CNTN5: variants seen among roughly 807,000 people sequenced by gnomAD.
CNTN5 encodes contactin-5.
CNTN5 carries 77 observed loss-of-function variants against 129.1 expected under a neutral mutation model. That is an observed-to-expected ratio of 0.60 (90% confidence interval 0.50 to 0.72). CNTN5 has a LOEUF of 0.72. CNTN5 is among the 30% of genes least tolerant of loss of function. The pLI is 0.00. For synonymous variants in CNTN5, 509 were observed against 465.6 expected, an observed-to-expected ratio of 1.09 and a Z score of -1.20; for missense variants, 1,478 against 1,328.8, an observed-to-expected ratio of 1.11 and a Z score of -1.75.
At chr11:99,502,501 C>T (rs1946464137) in intron 2 of CNTN5, among the ~76,000 whole-genome samples, 1 of 152,012 alleles carries the variant, frequency 6.6e-6, no homozygotes, top group Non-Finnish European at 1.5e-5. Flanking sequence ...GAGCTCTTCC[C>T]CACAACTTTG....
chr11:99,960,546 A>G (rs1218642886), intron 8 of CNTN5, among the ~76,000 whole-genome samples: 1 of 152,138 alleles, frequency 6.6e-6, no homozygotes, highest in Admixed American at 6.6e-5. Context: ...TGTATACTAT[A>G]CTGGATGTGT....
intron 2 of CNTN5, among the ~76,000 whole-genome samples, chr11:99,530,745 T>C (rs2056295520): frequency 1.3e-5 from 2 of 152,228 alleles, no homozygotes; most frequent in African/African-American, 2.4e-5. Context: ...TCTCATGAGA[T>C]CTGATAGGTT....
intron 3 of CNTN5, among the ~76,000 whole-genome samples, chr11:99,578,745 G>A (rs1949457502): frequency 6.6e-6 from 1 of 152,018 alleles, no homozygotes; most frequent in East Asian, 1.9e-4. Flanking sequence ...TGTCAGATGA[G>A]TAGGTTGCAA....
chr11:99,719,216 G>A (rs1943085746), intron 3 of CNTN5, among the ~76,000 whole-genome samples: 1 of 151,892 alleles, frequency 6.6e-6, no homozygotes, highest in Admixed American at 6.6e-5. Context: ...CTACTCAGGA[G>A]GCTGATGCAT....
chr11:99,233,887 A>G (rs751570447), intron 1 of CNTN5, among the ~76,000 whole-genome samples: 1 of 152,194 alleles, frequency 6.6e-6, no homozygotes, highest in Non-Finnish European at 1.5e-5. Context: ...CGGAGCTTGC[A>G]GTGAGCGGAG....
At chr11:99,090,294 C>T (rs941999707) in intron 1 of CNTN5, among the ~76,000 whole-genome samples, 1 of 151,978 alleles carries the variant, frequency 6.6e-6, no homozygotes, top group Non-Finnish European at 1.5e-5. Flanking sequence ...AGATCAGCAG[C>T]CCCTTGAAGT....
intron 6 of CNTN5, among the ~76,000 whole-genome samples, chr11:99,882,688 A>G (rs958733377): frequency 3.3e-5 from 5 of 152,096 alleles, no homozygotes; most frequent in African/African-American, 1.2e-4. Context: ...CCCCTTTAGC[A>G]TTTATCTTTT....
chr11:99,399,165 A>C (rs1318093420), intron 2 of CNTN5, among the ~76,000 whole-genome samples: 6 of 151,336 alleles, frequency 4.0e-5, no homozygotes, highest in Non-Finnish European at 7.4e-5. Flanking sequence ...AATAAAAAAA[A>C]CTAAAATATT....
intron 4 of CNTN5, among the ~76,000 whole-genome samples, chr11:99,822,687 T>C (rs1946837873): frequency 6.6e-6 from 1 of 152,190 alleles, no homozygotes; most frequent in South Asian, 2.1e-4. Context: ...ACTTTATTTC[T>C]TGAAAGAAAA....
intron 3 of CNTN5, among the ~76,000 whole-genome samples, chr11:99,599,964 A>G (rs1179617059): frequency 6.6e-6 from 1 of 152,148 alleles, no homozygotes; most frequent in Admixed American, 6.5e-5. Context: ...AAGTAAAGAG[A>G]AAAAAACCTT....
At chr11:99,154,935 C>A (rs1023544335) in intron 1 of CNTN5, among the ~76,000 whole-genome samples, 2 of 152,158 alleles carry the variant, frequency 1.3e-5, no homozygotes, top group African/African-American at 4.8e-5. Context: ...TGGCTGTGCT[C>A]CACTACAGAC....
intron 2 of CNTN5, among the ~76,000 whole-genome samples, chr11:99,387,167 A>C (rs1011384613): frequency 9.2e-5 from 14 of 152,282 alleles, no homozygotes; most frequent in Middle Eastern, 3.4e-3. Flanking sequence ...ATATACATCT[A>C]TTTGCCATAG....
intron 24 of CNTN5, among the ~76,000 whole-genome samples, chr11:100,352,251 C>A (rs1952434184): frequency 6.6e-6 from 1 of 151,484 alleles, no homozygotes. Context: ...CTGCCACTTA[C>A]AATACTTGAT....
At chr11:100,035,059 G>A (rs1591094955) in intron 9 of CNTN5, among the ~76,000 whole-genome samples, 1 of 152,066 alleles carries the variant, frequency 6.6e-6, no homozygotes, top group African/African-American at 2.4e-5. Context: ...CCATGTTGGT[G>A]TGCTGCACCC....
At chr11:99,149,475 T>G (rs148543497) in intron 1 of CNTN5, among the ~76,000 whole-genome samples, 4 of 152,258 alleles carry the variant, frequency 2.6e-5, no homozygotes, top group Non-Finnish European at 4.4e-5. Flanking sequence ...AGAGGCTTAT[T>G]ATTTTAGAAT....
chr11:99,997,955 A>T (rs1354161960), intron 8 of CNTN5, among the ~76,000 whole-genome samples: 2 of 152,104 alleles, frequency 1.3e-5, no homozygotes, highest in Non-Finnish European at 2.9e-5. Flanking sequence ...AAATTCAACA[A>T]TCTTCATGCT....
intron 1 of CNTN5, among the ~76,000 whole-genome samples, chr11:99,301,462 TA>T (rs1308655270): frequency 3.3e-5 from 5 of 151,756 alleles, no homozygotes; most frequent in African/African-American, 1.2e-4. Flanking sequence ...CAGACTGAAT[TA>T]ATTATAAGAC....
At chr11:100,277,833 A>G (rs1950547813) in intron 18 of CNTN5, among the ~76,000 whole-genome samples, 1 of 151,500 alleles carries the variant, frequency 6.6e-6, no homozygotes, top group African/African-American at 2.4e-5. Context: ...CTATTTGTCT[A>G]TTTTTGCTTT....
intron 2 of CNTN5, among the ~76,000 whole-genome samples, chr11:99,437,440 A>G (rs906709367): frequency 2.0e-5 from 3 of 152,244 alleles, no homozygotes; most frequent in African/African-American, 7.2e-5. Flanking sequence ...TGATTAAAGT[A>G]TAATTTTAAG....
Sources: gnomAD v4.1 joint callset for allele counts (sites outside exome capture counted in the v4.1 genomes callset) on GRCh38, gnomAD v4.1.1 for gene constraint, MANE v1.5 for transcripts, NCBI Gene and HGNC (gene_info 2026-07-23, HGNC 2026-07-21) for gene names.